Variants in FLNB observed in about 807,000 individuals in gnomAD.
The protein encoded by FLNB is filamin-B.
A neutral mutation model predicts 250.6 loss-of-function variants in FLNB; 111 were observed. The observed-to-expected ratio is 0.44, with a 90% CI of 0.38 to 0.52. FLNB has a LOEUF of 0.52. FLNB is among the 20% of genes least tolerant of loss of function. The probability of loss-of-function intolerance (pLI) is 0.00; values close to 1 mark genes in which losing one functional copy is unlikely to be tolerated. For synonymous variants in FLNB, 1,302 were observed against 1,372.1 expected, an observed-to-expected ratio of 0.95 and a Z score of 1.13; for missense variants, 2,869 against 3,447.8, an observed-to-expected ratio of 0.83 and a Z score of 4.20.
chr3:58,102,690 G>A (rs796792585), intron 9 of FLNB, among the ~76,000 whole-genome samples: 3 of 152,336 alleles, frequency 2.0e-5, no homozygotes, highest in African/African-American at 4.8e-5. Context: ...AGGTCATACA[G>A]CGTTTGTAAT....
chr3:58,132,666 A>G, intron 25 of FLNB, 142 bp from the exon 26 acceptor site: 1 of 1,023,792 alleles, frequency 9.8e-7, no homozygotes. Context: ...CAGGCCTGTG[A>G]TTATGGTTGC....
At chr3:58,089,401 C>G (rs894838923) in intron 4 of FLNB, among the ~76,000 whole-genome samples, 2 of 151,686 alleles carry the variant, frequency 1.3e-5, no homozygotes, top group African/African-American at 4.8e-5. Context: ...AAAAAATTAG[C>G]CAGGTGAGGT....
At position 58,055,992 on chromosome 3, in the gene FLNB, T is replaced by C. The variant is rs1360998934; in HGVS notation, c.293-21054T>C. ...ATGACAGGAGAAAATCTGATTTCTT[T>C]GGTGATAAAACGACAGGTGCTGCTA... On this transcript the variant is annotated intron_variant, in intron 1 of 45. Transcript: ENST00000295956. Among the ~76,000 whole-genome samples, 4 of 152,104 alleles carry C rather than the reference T, an allele frequency of 2.6e-5. No homozygotes were observed. The East Asian group carries it at 7.7e-4, about 29-fold the overall frequency.
At chr3:58,135,638 T>C (rs1321542271) in intron 27 of FLNB, among the ~76,000 whole-genome samples, 1 of 152,178 alleles carries the variant, frequency 6.6e-6, no homozygotes, top group African/African-American at 2.4e-5. Flanking sequence ...CTAAGAGTTA[T>C]GGTCCTGTTA....
At chr3:58,020,711 C>T (rs998007092) in intron 1 of FLNB, among the ~76,000 whole-genome samples, 2 of 127,952 alleles carry the variant, frequency 1.6e-5, no homozygotes, top group Non-Finnish European at 3.1e-5. Flanking sequence ...TCTGGAATTT[C>T]CTTTCCAGAA....
chr3:58,146,208 G>A (rs750965277), intron 33 of FLNB, among the ~76,000 whole-genome samples, 159 bp downstream of exon 33: 4 of 152,290 alleles, frequency 2.6e-5, no homozygotes, highest in South Asian at 4.1e-4. Context: ...GAGCCGCTTC[G>A]TCTTCTACCC....
intron 10 of FLNB, 135 bp downstream of exon 10, chr3:58,104,220 G>A: frequency 2.5e-6 from 2 of 806,346 alleles, no homozygotes; most frequent in Non-Finnish European, 3.8e-6. Context: ...TTTTTTCGGA[G>A]CAGCACAGAC....
intron 26 of FLNB, among the ~76,000 whole-genome samples, chr3:58,134,152 T>C (rs1365871334): frequency 6.6e-6 from 1 of 152,112 alleles, no homozygotes; most frequent in African/African-American, 2.4e-5. Context: ...CGGTGGTGGG[T>C]GAGCCATCAT....
chr3:58,121,986 G>A (rs1334075374), intron 20 of FLNB, among the ~76,000 whole-genome samples: 4 of 151,598 alleles, frequency 2.6e-5, no homozygotes, highest in South Asian at 4.2e-4. Context: ...TGGCTACCAC[G>A]GTGAAACCCC....
At chr3:58,123,816 C>G in intron 21 of FLNB, 126 bp downstream of exon 21, 1 of 769,054 alleles carries the variant, frequency 1.3e-6, no homozygotes, top group East Asian at 2.7e-5. Flanking sequence ...CGGTGCTCAC[C>G]TGTTCCCTCT....
intron 43 of FLNB, 124 bp from the exon 44 acceptor site, chr3:58,168,316 G>T: frequency 1.3e-6 from 1 of 782,630 alleles, no homozygotes; most frequent in South Asian, 1.5e-5. Flanking sequence ...GTGCCAGTGG[G>T]TTCCCATGCC....
chr3:58,111,188 G>A (rs1418696257), intron 16 of FLNB, among the ~76,000 whole-genome samples: 2 of 152,176 alleles, frequency 1.3e-5, no homozygotes, highest in South Asian at 2.1e-4. Flanking sequence ...GAAGTTTCAG[G>A]TATGCAATAG....
chr3:58,124,621 G>T, intron 22 of FLNB, 116 bp downstream of exon 22: 1 of 1,103,216 alleles, frequency 9.1e-7, no homozygotes, highest in Non-Finnish European at 1.3e-6. Flanking sequence ...GCAGGGCCAC[G>T]TGCAGAGTGA....
At chr3:58,134,807 T>C in intron 27 of FLNB, 35 bp downstream of exon 27, 1 of 1,592,036 alleles carries the variant, frequency 6.3e-7, no homozygotes, top group East Asian at 2.2e-5. Flanking sequence ...CAAACCTTAA[T>C]CCTAAGACTT....
chr3:58,152,644 C>T, intron 38 of FLNB: 5 of 710,212 alleles, frequency 7.0e-6, no homozygotes, highest in Non-Finnish European at 1.0e-5. Flanking sequence ...TGGAGGGACA[C>T]AAACATTCAG....
chr3:58,136,987 C>G (rs1434033354), intron 28 of FLNB, among the ~76,000 whole-genome samples: 3 of 152,096 alleles, frequency 2.0e-5, no homozygotes, highest in Non-Finnish European at 4.4e-5. Flanking sequence ...TCCCAAAGTG[C>G]TGGGATTACA....
chr3:58,098,584 C>T (rs753162915), intron 7 of FLNB, 127 bp from the exon 8 acceptor site: 143 of 810,880 alleles, frequency 1.8e-4, no homozygotes, highest in Middle Eastern at 1.4e-3. Context: ...CTACCCACCT[C>T]GGCCTCTCGA....
At chr3:58,093,882 A>G (rs868603043) in intron 4 of FLNB, among the ~76,000 whole-genome samples, 2 of 152,196 alleles carry the variant, frequency 1.3e-5, no homozygotes, top group South Asian at 4.1e-4. Context: ...AAGGTTACAT[A>G]GTTATGATTC....
rs758224122 is a variant in FLNB at position 58,125,718 on chromosome 3, C to T, written c.4036C>T (p.Pro1346Ser). 6 of 1,614,014 alleles carry T rather than the reference C, an allele frequency of 3.7e-6. No homozygotes were observed. The highest frequency in any genetic ancestry group is 5.1e-6 in the Non-Finnish European group (6 of 1,180,032). ...ATTGAAAGAGGCCTTTACCAACAAGCCCAATGTCTTCACCGTGGTTACCAG... is the reference window on the plus strand; with the variant it reads ...ATTGAAAGAGGCCTTTACCAACAAGTCCAATGTCTTCACCGTGGTTACCAG... ...PGLKEAFTNK[P>S]NVFTVVTRGA... is the part of the protein sequence containing the mutation. The change falls in exon 23 of 46, where the codon CCC becomes TCC. Residue 1346 changes from proline (P) to serine (S), a missense_variant. Physicochemically the swap from Pro to Ser is moderately conservative, Grantham distance 74. Around this residue, in one of 5 missense-constraint regions of FLNB, gnomAD observed 1,348 missense variants for 1,466.7 expected, o/e 0.92. Coordinates refer to ENST00000295956, the MANE Select transcript of FLNB (RefSeq NM_001457.4).
Sources: gnomAD v4.1 joint callset for allele counts (sites outside exome capture counted in the v4.1 genomes callset) on GRCh38, gnomAD v4.1.1 for gene constraint, gnomAD v4.1.1 regional missense constraint, MANE v1.5 for transcripts, NCBI Gene and HGNC (gene_info 2026-07-23, HGNC 2026-07-21) for gene names.